PARD3: variants seen among roughly 807,000 people sequenced by gnomAD.
The protein encoded by PARD3 is partitioning defective 3 homolog.
In PARD3, 75 loss-of-function variants were observed where a neutral mutation model predicts 155.4. That is an observed-to-expected ratio of 0.48 (90% CI 0.40 to 0.58). The LOEUF (loss-of-function observed/expected upper bound fraction) is 0.58. PARD3 is among the 20% of genes least tolerant of loss of function. The probability of loss-of-function intolerance (pLI) is 0.00; values close to 1 mark genes in which losing one functional copy is unlikely to be tolerated. For synonymous variants in PARD3, 576 were observed against 610.5 expected, an observed-to-expected ratio of 0.94 and a Z score of 0.83; for missense variants, 1,642 against 1,721.7, an observed-to-expected ratio of 0.95 and a Z score of 0.82.
intron 5 of PARD3, among the ~76,000 whole-genome samples, chr10:34,402,612 A>AGCT (rs1844014134): frequency 6.6e-6 from 1 of 152,220 alleles, no homozygotes; most frequent in Non-Finnish European, 1.5e-5. Context: ...AGGACAAGCT[A>AGCT]AAGTAACAAA....
At chr10:34,730,663 T>C (rs1278189083) in intron 1 of PARD3, among the ~76,000 whole-genome samples, 2 of 152,184 alleles carry the variant, frequency 1.3e-5, no homozygotes, top group African/African-American at 4.8e-5. Flanking sequence ...TGCATGCCTG[T>C]AGTCCTACCT....
At chr10:34,760,133 A>G (rs928784907) in intron 1 of PARD3, among the ~76,000 whole-genome samples, 2 of 152,210 alleles carry the variant, frequency 1.3e-5, no homozygotes, top group Non-Finnish European at 2.9e-5. Flanking sequence ...TCTGGTTTTT[A>G]TGTCTCTGTG....
intron 22 of PARD3, among the ~76,000 whole-genome samples, chr10:34,133,255 C>T (rs1947709133): frequency 6.6e-6 from 1 of 152,164 alleles, no homozygotes. Flanking sequence ...GGCACCCACA[C>T]CCAGACACTA....
chr10:34,723,558 T>C (rs2094644227), intron 1 of PARD3, among the ~76,000 whole-genome samples: 1 of 152,182 alleles, frequency 6.6e-6, no homozygotes, highest in Non-Finnish European at 1.5e-5. Context: ...TGAGCTCATA[T>C]CACCAATTAT....
At chr10:34,679,315 C>T (rs2093767779) in intron 2 of PARD3, among the ~76,000 whole-genome samples, 1 of 152,156 alleles carries the variant, frequency 6.6e-6, no homozygotes. Flanking sequence ...ACCAGTCAAA[C>T]AGGCCGGAGG....
intron 2 of PARD3, among the ~76,000 whole-genome samples, chr10:34,673,957 C>A (rs1190338934): frequency 1.4e-5 from 2 of 139,682 alleles, no homozygotes; most frequent in African/African-American, 2.6e-5. Context: ...TGCACTCCAG[C>A]ATGGAAGACA....
At chr10:34,263,594 G>A (rs1564529943) in intron 22 of PARD3, among the ~76,000 whole-genome samples, 1 of 152,204 alleles carries the variant, frequency 6.6e-6, no homozygotes, top group Non-Finnish European at 1.5e-5. Context: ...AGGAGGTTGA[G>A]GCTGCAGTGA....
chr10:34,263,046 C>T (rs965638956), intron 22 of PARD3, among the ~76,000 whole-genome samples: 3 of 152,222 alleles, frequency 2.0e-5, no homozygotes, highest in African/African-American at 7.2e-5. Flanking sequence ...GAATTGCATT[C>T]CCACACTCCT....
At chr10:34,302,411 TATTATCCACACTTCACAACTG>T (rs1957198478) in intron 20 of PARD3, among the ~76,000 whole-genome samples, 1 of 152,198 alleles carries the variant, frequency 6.6e-6, no homozygotes, top group Non-Finnish European at 1.5e-5. Flanking sequence ...CAGGTACCAT[TATTATCCACACTTCACAACTG>T]AAAAAAGTAA....
chr10:34,686,926 G>A (rs2093962353), intron 2 of PARD3, among the ~76,000 whole-genome samples: 1 of 151,816 alleles, frequency 6.6e-6, no homozygotes, highest in Non-Finnish European at 1.5e-5. Context: ...GTGAGCGCCT[G>A]TAATCCCAGC....
intron 1 of PARD3, among the ~76,000 whole-genome samples, chr10:34,766,663 T>G (rs1035808945): frequency 7.7e-6 from 1 of 130,252 alleles, no homozygotes; most frequent in African/African-American, 2.9e-5. Flanking sequence ...AGATGAGAGA[T>G]GTTGAGAAAA....
intron 1 of PARD3, among the ~76,000 whole-genome samples, chr10:34,698,005 T>TG (rs1468657487): frequency 6.6e-6 from 1 of 152,108 alleles, no homozygotes; most frequent in African/African-American, 2.4e-5. Context: ...AATAATGTCC[T>TG]GGGGGTGAAT....
chr10:34,373,052 T>TA (rs765728653), intron 11 of PARD3, among the ~76,000 whole-genome samples: 11 of 151,888 alleles, frequency 7.2e-5, no homozygotes, highest in African/African-American at 1.7e-4. Context: ...GATGATTTAT[T>TA]AAAAAAAGGC....
intron 2 of PARD3, among the ~76,000 whole-genome samples, chr10:34,695,726 T>A (rs929200293): frequency 6.6e-6 from 1 of 151,996 alleles, no homozygotes; most frequent in African/African-American, 2.4e-5. Flanking sequence ...AGAGCACTGA[T>A]GGAGAAAAGG....
At chr10:34,309,548 C>CAAAAAAAAAAAAAA (rs1173904388) in intron 20 of PARD3, among the ~76,000 whole-genome samples, 13 of 64,032 alleles carry the variant, frequency 2.0e-4, no homozygotes, top group East Asian at 1.5e-3. Flanking sequence ...ACCCTGTCTC[C>CAAAAAAAAAAAAAA]AAAAAAAAAA....
intron 19 of PARD3, among the ~76,000 whole-genome samples, chr10:34,322,101 T>C (rs1236194597): frequency 6.6e-6 from 1 of 152,142 alleles, no homozygotes; most frequent in East Asian, 1.9e-4. Context: ...GGTGAATTCA[T>C]TATTAAGTTT....
At chr10:34,749,943 G>A (rs890219377) in intron 1 of PARD3, among the ~76,000 whole-genome samples, 1 of 151,906 alleles carries the variant, frequency 6.6e-6, no homozygotes, top group African/African-American at 2.4e-5. Flanking sequence ...GATCCCTTGA[G>A]CCCAATAGGC....
In PARD3 at chr10:34,622,017, T is replaced by A. The variant is rs1428490963; in HGVS notation, c.222+74301A>T. 2.0e-5 allele frequency among the ~76,000 whole-genome samples: 3 copies of A among 152,214 alleles called. No individual in the cohort carries two copies. The East Asian group carries it at 5.8e-4, about 29-fold the overall frequency. ...ATTTAGTTTTCACATATCTTAAAAT[T>A]CAGTAGAAGAACCAGCACTCATAAA... On this transcript the variant is annotated intron_variant, in intron 2 of 24. Coordinates refer to ENST00000374788, the MANE Select transcript of PARD3 (RefSeq NM_001184785.2).
intron 22 of PARD3, among the ~76,000 whole-genome samples, chr10:34,151,891 C>T (rs1187315255): frequency 1.2e-4 from 19 of 152,092 alleles, no homozygotes; most frequent in South Asian, 1.0e-3. Context: ...TACCACAAGA[C>T]GGCTTTAAAT....
Sources: allele counts gnomAD v4.1 joint callset (sites outside exome capture counted in the v4.1 genomes callset), GRCh38; gene constraint gnomAD v4.1.1; transcripts MANE v1.5; gene names NCBI Gene and HGNC (gene_info 2026-07-23, HGNC 2026-07-21).